ZNF469: variants seen among roughly 807,000 people sequenced by gnomAD.
The protein encoded by ZNF469 is zinc finger protein 469.
ZNF469 carries 1 observed loss-of-function variant against 1.0 expected under a neutral mutation model. That is an observed-to-expected ratio of 1.00 (90% CI 0.35 to 4.73). ZNF469 has a LOEUF of 4.73. Among genes scored for constraint, ZNF469 ranks in the 30% most tolerant of loss-of-function variants. The pLI is 0.16. For missense variants in ZNF469, 6,100 were observed against 5,356.3 expected (o/e 1.14, Z -4.33); for synonymous variants, 2,703 against 2,363.4 (o/e 1.14, Z -4.17).
chr16:88,311,748 GT>G, the ZNF469 span, among the ~76,000 whole-genome samples: 4 of 152,192 alleles, frequency 2.6e-5, no homozygotes, highest in Non-Finnish European at 5.9e-5. Context: ...TTGGCCCCAG[GT>G]TTTTGTGTCT....
the ZNF469 span, among the ~76,000 whole-genome samples, chr16:88,106,743 G>A: frequency 6.6e-6 from 1 of 152,266 alleles, no homozygotes; most frequent in Non-Finnish European, 1.5e-5. Flanking sequence ...GGGCGTGGAT[G>A]CCTGCTGGCC....
chr16:88,138,893 G>A, the ZNF469 span, among the ~76,000 whole-genome samples: 1 of 152,340 alleles, frequency 6.6e-6, no homozygotes. Context: ...GAAATAAGCA[G>A]CGTAAGCACA....
At chr16:88,116,651 C>G in the ZNF469 span, among the ~76,000 whole-genome samples, 1 of 152,208 alleles carries the variant, frequency 6.6e-6, no homozygotes, top group Non-Finnish European at 1.5e-5. Flanking sequence ...GCCGTGAAAA[C>G]AAACAGACCA....
At chr16:88,324,405 C>G in the ZNF469 span, among the ~76,000 whole-genome samples, 1 of 152,230 alleles carries the variant, frequency 6.6e-6, no homozygotes, top group Non-Finnish European at 1.5e-5. Context: ...ATGTTGACCT[C>G]CCCAGAGCTC....
At chr16:88,297,269 G>A in the ZNF469 span, among the ~76,000 whole-genome samples, 41 of 152,282 alleles carry the variant, frequency 2.7e-4, 1 homozygote, top group African/African-American at 7.0e-4. Context: ...AGCTAATGGC[G>A]GGGGGCTGGC....
At chr16:88,243,022 C>G in the ZNF469 span, among the ~76,000 whole-genome samples, 1 of 152,220 alleles carries the variant, frequency 6.6e-6, no homozygotes, top group African/African-American at 2.4e-5. Flanking sequence ...GTCTACCCGC[C>G]TAGTGTCTCC....
At chr16:88,368,112 C>G in the ZNF469 span, among the ~76,000 whole-genome samples, 1 of 152,238 alleles carries the variant, frequency 6.6e-6, no homozygotes, top group Non-Finnish European at 1.5e-5. Flanking sequence ...GCGCTTATAT[C>G]AAACATAAAC....
At chr16:88,152,308 C>T in the ZNF469 span, among the ~76,000 whole-genome samples, 1 of 152,368 alleles carries the variant, frequency 6.6e-6, no homozygotes, top group East Asian at 1.9e-4. This position sits in a 1 kb window ranked among gnomAD's most constrained non-coding sequence, Gnocchi z 4.2. Context: ...AAGTCACGGG[C>T]AGCCATGAGC....
the ZNF469 span, among the ~76,000 whole-genome samples, chr16:88,347,021 G>C: frequency 6.6e-6 from 1 of 152,230 alleles, no homozygotes; most frequent in African/African-American, 2.4e-5. Context: ...GTTCTGGGGG[G>C]AAGTAAGATA....
At chr16:88,188,802 C>T in the ZNF469 span, among the ~76,000 whole-genome samples, 1,776 of 152,302 alleles carry the variant, frequency 0.012, 48 homozygotes, top group African/African-American at 0.04. Flanking sequence ...ATCTACATGT[C>T]TGTGAGATTC....
intron 1 of ZNF469, among the ~76,000 whole-genome samples, 119 bp downstream of exon 1, chr16:88,383,373 C>G (rs2092530303): frequency 1.4e-5 from 2 of 147,810 alleles, no homozygotes; most frequent in African/African-American, 4.9e-5. Context: ...CTCCTGCGCC[C>G]TCGGGGGCCG....
chr16:88,179,908 A>C, the ZNF469 span, among the ~76,000 whole-genome samples: 1 of 152,248 alleles, frequency 6.6e-6, no homozygotes, highest in Non-Finnish European at 1.5e-5. Context: ...AGGTTACTAC[A>C]TGTATGTGAA....
the ZNF469 span, among the ~76,000 whole-genome samples, chr16:88,126,341 GAGAT>G: frequency 6.6e-6 from 1 of 151,528 alleles, no homozygotes; most frequent in African/African-American, 2.4e-5. Context: ...AGTACAATGT[GAGAT>G]AGAAGTGATG....
chr16:88,434,290 G>T lies in ZNF469; in HGVS notation c.6820G>T (p.Ala2274Ser). The change falls in exon 3 of 3, where the codon GCA becomes TCA. Residue 2274 changes from alanine to serine, a missense_variant. Ala to Ser is a moderately conservative substitution (Grantham distance 99). Transcript: ENST00000565624. ...TGGCCGAGCCACCTCTCCTCCTCTG[G>T]CAGGGGCCGTCTCCCCCAGCGTGGC... ...SPGRATSPPL[A>S]GAVSPSVAVR... 1 of 1,550,362 alleles carries T rather than the reference G, an allele frequency of 6.5e-7. No homozygotes were observed. The highest frequency in any genetic ancestry group is 8.7e-7 in the Non-Finnish European group (1 of 1,146,970).
chr16:88,165,807 C>T, the ZNF469 span, among the ~76,000 whole-genome samples: 4 of 152,278 alleles, frequency 2.6e-5, no homozygotes, highest in South Asian at 2.1e-4. Flanking sequence ...CCGGCCCCGC[C>T]GCCTCCTTTC....
chr16:88,240,336 AAG>A, the ZNF469 span, among the ~76,000 whole-genome samples: 1 of 151,948 alleles, frequency 6.6e-6, no homozygotes, highest in African/African-American at 2.4e-5. Context: ...GTGATGGGGG[AAG>A]AGAGAGAGAT....
chr16:88,306,391 G>A, the ZNF469 span, among the ~76,000 whole-genome samples: 2 of 152,250 alleles, frequency 1.3e-5, no homozygotes, highest in African/African-American at 4.8e-5. Context: ...TGTCACAGTT[G>A]TTCTCTGTAG....
At chr16:88,249,855 A>G in the ZNF469 span, among the ~76,000 whole-genome samples, 2 of 152,096 alleles carry the variant, frequency 1.3e-5, no homozygotes, top group South Asian at 4.1e-4. Context: ...GAGCCCCTGC[A>G]CCCAGCCCCC....
At chr16:88,332,863 G>A in the ZNF469 span, among the ~76,000 whole-genome samples, 1 of 152,294 alleles carries the variant, frequency 6.6e-6, no homozygotes, top group South Asian at 2.1e-4. Flanking sequence ...GAAGACCAAG[G>A]CCCCGGGTTG....
Sources: gnomAD v4.1 joint callset for allele counts (sites outside exome capture counted in the v4.1 genomes callset) on GRCh38, gnomAD v4.1.1 for gene constraint, Gnocchi (gnomAD v3.1) non-coding constraint, MANE v1.5 for transcripts, NCBI Gene and HGNC (gene_info 2026-07-23, HGNC 2026-07-21) for gene names.